Variants in CEP350 observed in about 807,000 individuals in gnomAD.
The protein encoded by CEP350 is centrosome-associated protein 350.
CEP350 carries 126 observed loss-of-function variants against 331.8 expected under a neutral mutation model. That is an observed-to-expected ratio of 0.38 (90% CI 0.33 to 0.44). The LOEUF is 0.44. Among genes scored for constraint, CEP350 ranks in the 20% least tolerant of loss-of-function variants. CEP350 has a pLI of 1.00. For missense variants in CEP350, 3,406 were observed against 3,634.6 expected (o/e 0.94, Z 1.62); for synonymous variants, 1,200 against 1,259.5 (o/e 0.95, Z 1.00).
At chr1:179,996,529 A>G (rs1232820280) in intron 5 of CEP350, 24 bp from the exon 6 acceptor site, 1 of 1,491,964 alleles carries the variant, frequency 6.7e-7, no homozygotes, top group African/African-American at 1.4e-5. Context: ...TCATAGTCAC[A>G]GAGCTTATTA....
In CEP350 at chr1:179,954,863, C is replaced by A. The variant is rs1399255967; in HGVS notation, c.-293C>A. The A allele has an allele frequency of 4.5e-6, 2 of 440,530 alleles. No individual in the cohort carries two copies. The highest frequency in any genetic ancestry group is 3.6e-5 in the East Asian group (1 of 28,164). The allele number at this position is 440,530 out of a possible 1,614,324, so 27.3% of individuals were successfully genotyped here. A position where few individuals can be genotyped will look rare whatever the true frequency, so the allele number is the denominator to read the frequency against. On this transcript the variant is annotated 5_prime_UTR_variant, in exon 1 of 38. Transcript: ENST00000367607. ...CGCCCCTGACGAAGTGACTCCCGGG[C>A]CGGGGAGCGGGGCCAGACCTGCGCC...
In CEP350 at chr1:180,013,901, A is replaced by G. The variant is rs1487137282; in HGVS notation, c.1448A>G (p.His483Arg). The change falls in exon 10 of 38, where the codon CAT becomes CGT. Residue 483 changes from histidine (H) to arginine (R), a missense_variant. His to Arg is a conservative substitution (Grantham distance 29). Transcript: ENST00000367607. ...SDPRLDVLHR[H>R]LQRNSERSRS... ...CCCAGGTTGGACGTTTTACATAGAC[A>G]TCTTCAAAGAAACTCAGAACGTTCG... 3.7e-6 allele frequency: 6 copies of G among 1,613,658 alleles called. No individual in the cohort carries two copies. In the East Asian group the frequency reaches 1.1e-4, roughly 30 times the overall value.
At chr1:180,052,917 A>G (rs1330200268) in intron 22 of CEP350, 53 bp from the exon 23 acceptor site, 1 of 660,166 alleles carries the variant, frequency 1.5e-6, no homozygotes, top group East Asian at 2.8e-5. Flanking sequence ...TTAATTGAAT[A>G]CCTACTGAGA....
rs746978972 is a variant in CEP350, at chr1:180,093,588, T to G, written c.7483T>G (p.Phe2495Val). The G allele has an allele frequency of 6.2e-7, 1 of 1,613,894 alleles. No homozygotes were observed. The highest frequency in any genetic ancestry group is 8.5e-7 in the Non-Finnish European group (1 of 1,179,894). The change falls in exon 34 of 38, where the codon TTT becomes GTT. Residue 2495 changes from phenylalanine to valine, a missense_variant. This residue lies in a region of CEP350 where 1,415 missense variants were observed against 1,512.3 expected (regional missense o/e 0.94). Coordinates refer to ENST00000367607, the MANE Select transcript of CEP350 (RefSeq NM_014810.5). ...TTCAGTTCCTACTGCAGACGAGTTA[T>G]TTGATTTCCACATTGGTGATAGGGT... ...LASVPTADEL[F>V]DFHIGDRVLI...
intron 21 of CEP350, among the ~76,000 whole-genome samples, chr1:180,044,775 T>G (rs2148932232): frequency 6.6e-6 from 1 of 151,008 alleles, no homozygotes; most frequent in Non-Finnish European, 1.5e-5. Context: ...CATGTATACA[T>G]ATGTAACAAA....
rs1660455777 is a variant in CEP350 at position 180,095,905 on chromosome 1, G to A, written c.8894G>A (p.Ser2965Asn). ...GCCAGTAAAGGTCTAGATATAGAAAGCACTAGTAAAAGGGTCTACAAACAG... is the reference window on the plus strand; with the variant it reads ...GCCAGTAAAGGTCTAGATATAGAAAACACTAGTAAAAGGGTCTACAAACAG... ...GCASKGLDIE[S>N]TSKRVYKQAV... The change falls in exon 35 of 38, where the codon AGC becomes AAC. Residue 2965 changes from serine (S) to asparagine (N), a missense_variant. Transcript: ENST00000367607. 2 of 1,604,996 alleles carry A rather than the reference G, an allele frequency of 1.2e-6. No homozygotes were observed. Among genetic ancestry groups the A allele is most frequent in the African/African-American group, 1.3e-5 (1 of 74,120 alleles).
intron 14 of CEP350, among the ~76,000 whole-genome samples, chr1:180,030,367 G>GA (rs1438820969): frequency 7.2e-6 from 1 of 139,348 alleles, no homozygotes; most frequent in African/African-American, 2.5e-5. Context: ...TATAATATGT[G>GA]AAATATATAT....
chr1:180,002,241 A>G (rs917332703), intron 6 of CEP350, among the ~76,000 whole-genome samples: 12 of 152,222 alleles, frequency 7.9e-5, no homozygotes, highest in African/African-American at 2.9e-4. Flanking sequence ...TGGGAGACCA[A>G]GGCGGGTGGA....
chr1:179,962,811 A>T (rs1470848933), intron 1 of CEP350, among the ~76,000 whole-genome samples: 2 of 147,168 alleles, frequency 1.4e-5, no homozygotes, highest in African/African-American at 5.4e-5. Context: ...TGATAGAATG[A>T]TTTCTTTTCC....
intron 28 of CEP350, among the ~76,000 whole-genome samples, chr1:180,078,118 A>G (rs1281463869): frequency 2.6e-5 from 4 of 152,018 alleles, no homozygotes; most frequent in Non-Finnish European, 5.9e-5. Context: ...GGGCAACAAG[A>G]ACGGGATGCC....
intron 37 of CEP350, among the ~76,000 whole-genome samples, chr1:180,104,387 T>A (rs1055178833): frequency 1.5e-4 from 23 of 152,076 alleles, no homozygotes; most frequent in African/African-American, 5.6e-4. Context: ...TTTTTTATTG[T>A]TTTTCTAGAG....
Position 180,033,582 on chromosome 1 carries a change from G to A in CEP350, c.3726-280G>A, listed in dbSNP as rs571865310. 2.6e-5 allele frequency among the ~76,000 whole-genome samples: 4 copies of A among 152,256 alleles called. No homozygotes were observed. In the East Asian group the frequency reaches 7.7e-4, roughly 29 times the overall value. ...TGAATCATAGTATATGTACACTGTA[G>A]AGGGAAGAGTTCAGTGCTAGTTTAA... is the stretch of plus-strand genomic sequence containing the variant. On this transcript the variant is annotated intron_variant, in intron 15 of 37. Transcript: ENST00000367607.
intron 25 of CEP350, among the ~76,000 whole-genome samples, chr1:180,061,090 T>A (rs960889014): frequency 3.9e-5 from 6 of 152,178 alleles, no homozygotes; most frequent in Admixed American, 6.5e-5. Context: ...AAAGCACTTT[T>A]TTGCATTTTA....
intron 16 of CEP350, among the ~76,000 whole-genome samples, chr1:180,036,670 T>C (rs146123339): frequency 5.3e-4 from 80 of 152,338 alleles, no homozygotes; most frequent in East Asian, 2.3e-3. Flanking sequence ...CTTACTAGAC[T>C]ACAGTATAGT....
At chr1:180,095,482 T>C (rs1300116980) in intron 34 of CEP350, 41 bp from the exon 35 acceptor site, 1 of 1,549,562 alleles carries the variant, frequency 6.5e-7, no homozygotes, top group Admixed American at 2.1e-5. Context: ...TGATATGAGG[T>C]CCCTAAATGG....
At position 180,054,440 on chromosome 1, in the gene CEP350, G is replaced by A; in HGVS notation, c.5200G>A (p.Asp1734Asn). 1 of 1,598,408 alleles carries A rather than the reference G, an allele frequency of 6.3e-7. No homozygotes were observed. Among genetic ancestry groups the A allele is most frequent in the Non-Finnish European group, 8.5e-7 (1 of 1,172,112 alleles). The change falls in exon 25 of 38, where the codon GAT (aspartate) becomes AAT (asparagine). Residue 1734 changes from aspartate (D) to asparagine (N), a missense_variant. Asp to Asn is a conservative substitution (Grantham distance 23, BLOSUM62 1). This residue lies in a region of CEP350 where 104 missense variants were observed against 143.3 expected (regional missense o/e 0.73). Coordinates refer to ENST00000367607, the MANE Select transcript of CEP350 (RefSeq NM_014810.5). ...ACATCTACGAGACAAAGGAGAGGATGATAAAATGCCCCCGCTCCGGAAGAA... is the reference window on the plus strand; with the variant it reads ...ACATCTACGAGACAAAGGAGAGGATAATAAAATGCCCCCGCTCCGGAAGAA... ...KKHLRDKGEDDKMPPLRKKQR... is the reference protein window; with the variant it reads ...KKHLRDKGEDNKMPPLRKKQR...
intron 4 of CEP350, among the ~76,000 whole-genome samples, chr1:179,991,007 C>T (rs189790218): frequency 2.7e-5 from 4 of 150,940 alleles, no homozygotes; most frequent in Admixed American, 1.3e-4. Flanking sequence ...GTTCAGTAAC[C>T]GTAGATGGTG....
At chr1:180,032,828 G>A (rs1188356942) in intron 15 of CEP350, among the ~76,000 whole-genome samples, 1 of 151,866 alleles carries the variant, frequency 6.6e-6, no homozygotes, top group East Asian at 1.9e-4. Flanking sequence ...TGTTTTCTTT[G>A]ATGTTGTGTT....
intron 1 of CEP350, among the ~76,000 whole-genome samples, chr1:179,971,306 GGCGTGA>G (rs955129814): frequency 2.6e-5 from 4 of 152,048 alleles, no homozygotes; most frequent in Non-Finnish European, 1.5e-5. Flanking sequence ...TGAGATTATA[GGCGTGA>G]GCCACTGCGC....
Sources: allele counts gnomAD v4.1 joint callset (sites outside exome capture counted in the v4.1 genomes callset), GRCh38; gene constraint gnomAD v4.1.1; regional missense constraint gnomAD v4.1.1; transcripts MANE v1.5; gene names NCBI Gene and HGNC (gene_info 2026-07-23, HGNC 2026-07-21).